LANCL1: variants seen among roughly 807,000 people sequenced by gnomAD.
LANCL1 encodes LanC like glutathione S-transferase 1, also known as glutathione S-transferase LANCL1.
In LANCL1, 50 loss-of-function variants were observed where a neutral mutation model predicts 50.6. The ratio of observed to expected loss-of-function variants is 0.99; its 90% CI spans 0.79 to 1.25. LANCL1 has a LOEUF of 1.25. LANCL1 is among the 50% of genes most tolerant of loss of function. The probability of loss-of-function intolerance (pLI) is 0.00; values close to 1 mark genes in which losing one functional copy is unlikely to be tolerated. For synonymous variants in LANCL1, 188 were observed against 178.6 expected (o/e 1.05, Z -0.42); for missense variants, 532 against 480.7 (o/e 1.11, Z -1.00).
At chr2:210,457,940 G>C (rs1323048336) in intron 3 of LANCL1, among the ~76,000 whole-genome samples, 3 of 152,174 alleles carry the variant, frequency 2.0e-5, no homozygotes, top group Non-Finnish European at 2.9e-5. Flanking sequence ...CTTCACAGCC[G>C]GGTATGGCTA....
At chr2:210,475,786 C>CT (rs78484440) in intron 2 of LANCL1, among the ~76,000 whole-genome samples, 364 of 151,574 alleles carry the variant, frequency 2.4e-3, no homozygotes, top group African/African-American at 8.1e-3. Context: ...TTACAAGTTT[C>CT]TTTTTTTTTG....
rs867029134 is a variant in LANCL1, at chr2:210,436,248, G to A, written c.1018C>T (p.Gln340Ter). The A allele has an allele frequency of 1.9e-6, 3 of 1,613,910 alleles. No homozygotes were observed. The highest frequency in any genetic ancestry group is 2.5e-6 in the Non-Finnish European group (3 of 1,179,940). The change falls in exon 8 of 10, where the codon CAG becomes TAG. Residue 340 changes from glutamine (Q) to a stop codon, truncating the protein, a stop_gained. Coordinates refer to ENST00000450366, the MANE Select transcript of LANCL1 (RefSeq NM_006055.3). LOFTEE classifies it high-confidence loss of function. ...GCCCTATACAGGTACTTCATGTCCT[G>A]TGTGAGGTTGTAGAGTGTCAGGAAG... ...YAFLTLYNLT[Q>*]DMKYLYRACK...
Position 210,440,664 on chromosome 2 carries a change from T to G in LANCL1, c.624A>C (p.Glu208Asp). The G allele has an allele frequency of 6.2e-7, 1 of 1,613,644 alleles. No individual in the cohort carries two copies. Among genetic ancestry groups the G allele is most frequent in the Non-Finnish European group, 8.5e-7 (1 of 1,179,558 alleles). ...CCCCTACATAATATTCCTGGTACCA[T>G]TCATACATCAGTGGAGACTTTGCCG... Reference protein sequence around the residue: ...NFTAKSPLMYEWYQEYYVGAA... With the variant: ...NFTAKSPLMYDWYQEYYVGAA... Residue 208 changes from glutamate (E) to aspartate (D), a missense_variant, in exon 6 of 10, where the codon GAA becomes GAC. Glu to Asp is a conservative substitution (Grantham distance 45). Transcript: ENST00000450366.
intron 4 of LANCL1, among the ~76,000 whole-genome samples, chr2:210,445,699 T>C (rs1490084102): frequency 1.3e-5 from 2 of 152,208 alleles, no homozygotes; most frequent in Non-Finnish European, 2.9e-5. Flanking sequence ...ACAAGCACTT[T>C]GTTGCAGCTT....
intron 4 of LANCL1, among the ~76,000 whole-genome samples, chr2:210,444,659 C>T (rs930420561): frequency 1.3e-5 from 2 of 152,030 alleles, no homozygotes; most frequent in African/African-American, 4.8e-5. Flanking sequence ...ATATAGGCAA[C>T]AATTCATAGT....
intron 5 of LANCL1, among the ~76,000 whole-genome samples, 198 bp downstream of exon 5, chr2:210,441,110 G>C (rs139730413): frequency 6.6e-6 from 1 of 152,098 alleles, no homozygotes; most frequent in African/African-American, 2.4e-5. Context: ...ACTGGCCTTC[G>C]GACTCTTGAG....
At chr2:210,436,129 G>T in intron 8 of LANCL1, 87 bp downstream of exon 8, 1 of 1,176,284 alleles carries the variant, frequency 8.5e-7, no homozygotes, top group Non-Finnish European at 1.2e-6. Context: ...GACCTCAGGT[G>T]ATCCGCCTGC....
intron 4 of LANCL1, among the ~76,000 whole-genome samples, chr2:210,444,829 T>C (rs747018350): frequency 2.0e-5 from 3 of 152,018 alleles, no homozygotes; most frequent in Non-Finnish European, 4.4e-5. Context: ...CATTTTGTTT[T>C]CTACTTCGAT....
intron 3 of LANCL1, among the ~76,000 whole-genome samples, chr2:210,470,648 A>G (rs1694198179): frequency 6.6e-6 from 1 of 152,092 alleles, no homozygotes; most frequent in African/African-American, 2.4e-5. Context: ...TGGATTTCAG[A>G]TTTTCAGATT....
rs1030064860 is a variant in LANCL1, at chr2:210,431,569, A to G, written c.*2918T>C. 2.0e-5 allele frequency: 3 copies of G among 152,202 alleles called. No individual in the cohort carries two copies. Among genetic ancestry groups the G allele is most frequent in the Non-Finnish European group, 2.9e-5 (2 of 68,026 alleles). The allele number at this position is 152,202 out of a possible 1,614,324, so 9.4% of individuals were successfully genotyped here. The stretch of plus-strand genomic sequence containing the variant: ...TAAATAGTCACTCTTCACATTTTCT[A>G]TTTCTAAAGTAGCTAGTAAAAGGCA... On this transcript the variant is annotated 3_prime_UTR_variant, in exon 10 of 10. Coordinates refer to ENST00000450366, the MANE Select transcript of LANCL1 (RefSeq NM_006055.3).
chr2:210,436,186 T>C (rs1455753066), intron 8 of LANCL1, 30 bp downstream of exon 8: 2 of 1,600,772 alleles, frequency 1.2e-6, no homozygotes, highest in Non-Finnish European at 1.7e-6. Context: ...GCCACCGAGC[T>C]GCTTTCTATT....
intron 1 of LANCL1, 51 bp downstream of exon 1, chr2:210,476,569 C>A: frequency 7.2e-7 from 1 of 1,392,790 alleles, no homozygotes; most frequent in Non-Finnish European, 9.3e-7. Flanking sequence ...TGCGGCCCAA[C>A]TGCTAGGACA....
chr2:210,476,170 C>T (rs1694360822), intron 2 of LANCL1, 146 bp downstream of exon 2: 2 of 563,570 alleles, frequency 3.5e-6, no homozygotes, highest in African/African-American at 1.9e-5. Context: ...TATATATTAA[C>T]ATGTATTTTT....
At chr2:210,471,906 G>T in intron 3 of LANCL1, 53 bp downstream of exon 3, 1 of 1,252,126 alleles carries the variant, frequency 8.0e-7, no homozygotes, top group Non-Finnish European at 1.2e-6. Flanking sequence ...TCGGAAAAAT[G>T]CTCTGGCTCT....
At chr2:210,435,194 G>A (rs1692884538) in intron 9 of LANCL1, among the ~76,000 whole-genome samples, 193 bp downstream of exon 9, 1 of 152,144 alleles carries the variant, frequency 6.6e-6, no homozygotes, top group African/African-American at 2.4e-5. Flanking sequence ...GGAGTCACCT[G>A]ATGACTACCA....
chr2:210,463,110 A>T (rs1178662123), intron 3 of LANCL1, among the ~76,000 whole-genome samples: 3 of 152,208 alleles, frequency 2.0e-5, no homozygotes, highest in Non-Finnish European at 4.4e-5. Flanking sequence ...TAACATTGTC[A>T]CTAGCTCTAT....
intron 7 of LANCL1, among the ~76,000 whole-genome samples, chr2:210,437,210 C>T (rs755187081): frequency 1.1e-3 from 166 of 152,104 alleles, no homozygotes; most frequent in Non-Finnish European, 8.8e-4. Context: ...CTATTTATTT[C>T]ACTTAGCATG....
intron 3 of LANCL1, among the ~76,000 whole-genome samples, chr2:210,456,549 G>C (rs1273188373): frequency 6.6e-6 from 1 of 150,848 alleles, no homozygotes; most frequent in Non-Finnish European, 1.5e-5. Context: ...AAGGTTTGTA[G>C]ACAAGTGTAC....
intron 3 of LANCL1, chr2:210,469,016 A>G (rs1362990456): frequency 1.3e-5 from 2 of 152,238 alleles, no homozygotes; most frequent in Non-Finnish European, 2.9e-5. Context: ...ATAAGATGTT[A>G]AAGTTCTAAC....
Sources: allele counts gnomAD v4.1 joint callset (sites outside exome capture counted in the v4.1 genomes callset), GRCh38; gene constraint gnomAD v4.1.1; transcripts MANE v1.5; gene names NCBI Gene and HGNC (gene_info 2026-07-23, HGNC 2026-07-21).